ST18: variants seen among roughly 807,000 people sequenced by gnomAD.
ST18 encodes ST18 C2H2C-type zinc finger transcription factor.
Under a neutral mutation model 110.0 loss-of-function variants are expected in ST18, and 50 were observed. The ratio of observed to expected loss-of-function variants is 0.45; its 90% CI spans 0.36 to 0.58. ST18 has a LOEUF of 0.58. Among genes scored for constraint, ST18 ranks in the 20% least tolerant of loss-of-function variants. The probability of loss-of-function intolerance (pLI) is 0.00; values close to 1 mark genes in which losing one functional copy is unlikely to be tolerated. For missense variants in ST18, 1,306 were observed against 1,280.1 expected (o/e 1.02, Z -0.31); for synonymous variants, 461 against 452.4 (o/e 1.02, Z -0.24).
chr8:52,284,346 G>A (rs2095434035), intron 2 of ST18, among the ~76,000 whole-genome samples: 1 of 152,202 alleles, frequency 6.6e-6, no homozygotes, highest in African/African-American at 2.4e-5. Flanking sequence ...TGAAGGGCTA[G>A]GTTTTGGAAA....
At chr8:52,167,117 C>A in intron 10 of ST18, 131 bp from the exon 11 acceptor site, 4 of 1,268,636 alleles carry the variant, frequency 3.2e-6, no homozygotes, top group Non-Finnish European at 3.2e-6. Context: ...CTCACATCGC[C>A]TTGAACAAGA....
At chr8:52,174,727 T>C (rs1172281373) in intron 9 of ST18, among the ~76,000 whole-genome samples, 2 of 152,216 alleles carry the variant, frequency 1.3e-5, no homozygotes, top group African/African-American at 2.4e-5. Context: ...AAAATATTTA[T>C]TAATTATTCC....
intron 2 of ST18, among the ~76,000 whole-genome samples, chr8:52,315,172 C>T (rs1318887913): frequency 1.3e-5 from 2 of 152,142 alleles, no homozygotes; most frequent in African/African-American, 2.4e-5. Flanking sequence ...ATCCTATTTC[C>T]ACCCTTGTAT....
intron 2 of ST18, among the ~76,000 whole-genome samples, chr8:52,321,283 T>C (rs1564490272): frequency 6.6e-6 from 1 of 152,160 alleles, no homozygotes; most frequent in Admixed American, 6.5e-5. Context: ...ATTCAATTTC[T>C]TAAGGAAATA....
At chr8:52,133,203 CT>C in intron 20 of ST18, 35 bp downstream of exon 20, 1 of 1,614,148 alleles carries the variant, frequency 6.2e-7, no homozygotes, top group Non-Finnish European at 8.5e-7. Context: ...TGCCGACAAG[CT>C]CATTTCCACA....
chr8:52,225,459 A>G (rs1433867489), intron 3 of ST18, among the ~76,000 whole-genome samples: 1 of 152,182 alleles, frequency 6.6e-6, no homozygotes, highest in Non-Finnish European at 1.5e-5. Flanking sequence ...TGGATTTATA[A>G]TTTGCTTTGG....
intron 2 of ST18, among the ~76,000 whole-genome samples, chr8:52,388,002 T>C (rs1413366757): frequency 7.9e-6 from 1 of 126,918 alleles, no homozygotes; most frequent in Non-Finnish European, 1.6e-5. Context: ...GGTGAAAAGC[T>C]AGCAGGGTGT....
chr8:52,367,233 G>GACAC (rs1564591511), intron 2 of ST18, among the ~76,000 whole-genome samples: 1 of 131,214 alleles, frequency 7.6e-6, no homozygotes, highest in Non-Finnish European at 1.5e-5. Context: ...GCGGGACCCT[G>GACAC]TCTCACACAC....
At chr8:52,263,743 C>CTTTT (rs755461916) in intron 2 of ST18, among the ~76,000 whole-genome samples, 5 of 94,596 alleles carry the variant, frequency 5.3e-5, no homozygotes, top group Non-Finnish European at 8.2e-5. Flanking sequence ...CAGTGCCTGG[C>CTTTT]TTTTTTTTTT....
At chr8:52,351,928 C>T (rs1315860213) in intron 2 of ST18, among the ~76,000 whole-genome samples, 1 of 152,068 alleles carries the variant, frequency 6.6e-6, no homozygotes, top group East Asian at 1.9e-4. Flanking sequence ...ATCATTGGTA[C>T]AAATGTGTGT....
intron 5 of ST18, among the ~76,000 whole-genome samples, chr8:52,218,417 T>C (rs2085232286): frequency 6.6e-6 from 1 of 151,690 alleles, no homozygotes; most frequent in Non-Finnish European, 1.5e-5. Flanking sequence ...GGTTTTGCTC[T>C]TGTTGCCCAG....
At chr8:52,206,738 G>A (rs1396101594) in intron 8 of ST18, 1 of 152,202 alleles carries the variant, frequency 6.6e-6, no homozygotes, top group Non-Finnish European at 1.5e-5. Flanking sequence ...GGATTCTAAT[G>A]TTCAGGTCTG....
chr8:52,142,221 T>C (rs1199629024), intron 17 of ST18, among the ~76,000 whole-genome samples: 1 of 152,062 alleles, frequency 6.6e-6, no homozygotes, highest in Non-Finnish European at 1.5e-5. Flanking sequence ...TCTTGATACG[T>C]TCAGCTGGAA....
chr8:52,195,245 T>C lies in ST18; in HGVS notation c.87-14933A>G, dbSNP rs572513436. Among the ~76,000 whole-genome samples the C allele has an allele frequency of 2.6e-5, 4 of 152,298 alleles. No homozygotes were observed. The East Asian group carries it at 7.7e-4, about 29-fold the overall frequency. On this transcript the variant is annotated intron_variant, in intron 8 of 25. Coordinates refer to ENST00000689386, the MANE Select transcript of ST18 (RefSeq NM_001352837.2). ...TGAAGATACTAAGAGATGAACATTA[T>C]GTGGATTTTAGAATCAAGATACTGA...
intron 2 of ST18, among the ~76,000 whole-genome samples, chr8:52,269,987 C>A (rs187239184): frequency 6.6e-6 from 1 of 151,094 alleles, no homozygotes; most frequent in Non-Finnish European, 1.5e-5. Context: ...TTGTGTTAAT[C>A]ATGGCAAAAC....
chr8:52,374,306 AT>A (rs2140685356), intron 2 of ST18, among the ~76,000 whole-genome samples: 1 of 152,158 alleles, frequency 6.6e-6, no homozygotes, highest in Admixed American at 6.5e-5. Flanking sequence ...GAGGAGGATC[AT>A]GTGGAATGGA....
chr8:52,346,316 T>C (rs182793748), intron 2 of ST18, among the ~76,000 whole-genome samples: 2 of 151,638 alleles, frequency 1.3e-5, no homozygotes, highest in Admixed American at 1.3e-4. Flanking sequence ...GAAAATTTTA[T>C]ATTATGTAAA....
At position 52,158,955 on chromosome 8, in the gene ST18, G is replaced by A; in HGVS notation, c.1749C>T (p.Thr583=). ...GGATGTCTGTGGCTTCCCTGCAGCGGGTGGAAAGGTTCAGGATGGCAGCAG... is the reference window on the plus strand; with the variant it reads ...GGATGTCTGTGGCTTCCCTGCAGCGAGTGGAAAGGTTCAGGATGGCAGCAG... The part of the protein sequence containing the change: ...AAAAAILNLS[T]RCREATDILS... The change falls in exon 15 of 26, where the codon ACC becomes ACT. Residue 583 remains threonine, a synonymous_variant. Coordinates refer to ENST00000689386, the MANE Select transcript of ST18 (RefSeq NM_001352837.2). 1 of 1,614,044 alleles carries A rather than the reference G, an allele frequency of 6.2e-7. No individual in the cohort carries two copies. Among genetic ancestry groups the A allele is most frequent in the East Asian group, 2.2e-5 (1 of 44,882 alleles).
chr8:52,283,684 C>T (rs1460756725), intron 2 of ST18, among the ~76,000 whole-genome samples: 1 of 152,154 alleles, frequency 6.6e-6, no homozygotes, highest in East Asian at 1.9e-4. Context: ...TGTTGGCTTT[C>T]ACAGGGGCAG....
Sources: allele counts gnomAD v4.1 joint callset (sites outside exome capture counted in the v4.1 genomes callset), GRCh38; gene constraint gnomAD v4.1.1; transcripts MANE v1.5; gene names NCBI Gene and HGNC (gene_info 2026-07-23, HGNC 2026-07-21).